NAALADL2: variants seen among roughly 807,000 people sequenced by gnomAD.
NAALADL2 encodes the protein N-acetylated alpha-linked acidic dipeptidase like 2.
A neutral mutation model predicts 87.2 loss-of-function variants in NAALADL2; 76 were observed. The ratio of observed to expected loss-of-function variants is 0.87; its 90% CI spans 0.72 to 1.05. NAALADL2 has a LOEUF of 1.05. NAALADL2 is among the 50% of genes least tolerant of loss of function. The pLI, the probability that NAALADL2 is intolerant of heterozygous loss-of-function variation, is 0.00. For synonymous variants in NAALADL2, 354 were observed against 331.0 expected, an observed-to-expected ratio of 1.07 and a Z score of -0.75; for missense variants, 1,089 against 945.8, an observed-to-expected ratio of 1.15 and a Z score of -1.99.
intron 1 of NAALADL2, among the ~76,000 whole-genome samples, chr3:175,085,815 G>A (rs913790012): frequency 2.0e-5 from 3 of 152,176 alleles, no homozygotes; most frequent in Admixed American, 6.5e-5. Context: ...CTACTCGGGA[G>A]GCTGAGGCAG....
At chr3:174,537,575 A>C (rs1024523247) in intron 1 of NAALADL2, among the ~76,000 whole-genome samples, 2 of 152,198 alleles carry the variant, frequency 1.3e-5, no homozygotes, top group Admixed American at 1.3e-4. Flanking sequence ...GAGTCAGGAA[A>C]ACATACAAGT....
At chr3:175,478,559 A>G (rs1357436858) in intron 9 of NAALADL2, among the ~76,000 whole-genome samples, 1 of 151,946 alleles carries the variant, frequency 6.6e-6, no homozygotes, top group Non-Finnish European at 1.5e-5. Flanking sequence ...TGATTTATAT[A>G]TTAGGACTAT....
intron 1 of NAALADL2, among the ~76,000 whole-genome samples, chr3:174,502,604 AT>A (rs1718968690): frequency 6.6e-6 from 1 of 152,204 alleles, no homozygotes; most frequent in East Asian, 1.9e-4. Context: ...AGATATATGT[AT>A]ATAAACCTCA....
rs77252638 is a variant in NAALADL2 at position 175,808,813 on chromosome 3, G to C, written c.*5610G>C. ...CTTTTGTTCTAATTAAAGTACAAAC[G>C]TGGCATCTGAATAGAAGCTTAGCTA... On this transcript the variant is annotated 3_prime_UTR_variant, in exon 14 of 14. Transcript: ENST00000454872. 1 of 151,938 alleles carries C rather than the reference G, an allele frequency of 6.6e-6. No individual in the cohort carries two copies. Among genetic ancestry groups the C allele is most frequent in the Admixed American group, 6.6e-5 (1 of 15,212 alleles). 9.4% of individuals were successfully genotyped at this position (151,938 alleles called of 1,614,324 possible). A position where few individuals can be genotyped will look rare whatever the true frequency, so the allele number is the denominator to read the frequency against.
intron 5 of NAALADL2, among the ~76,000 whole-genome samples, chr3:175,414,811 A>G (rs1009123040): frequency 2.0e-5 from 3 of 152,146 alleles, no homozygotes; most frequent in Non-Finnish European, 4.4e-5. Context: ...GAGTTACAAG[A>G]TAAGAAAATT....
chr3:175,466,836 CAA>C lies in NAALADL2; in HGVS notation c.1328-137_1328-136del, dbSNP rs79129100. 1.0e-5 allele frequency: 7 copies of C among 682,974 alleles called. No homozygotes were observed. The South Asian group carries it at 1.1e-4, about 11-fold the overall frequency. 42.3% of individuals were successfully genotyped at this position (682,974 alleles called of 1,614,324 possible). On this transcript the variant is annotated intron_variant, in intron 7 of 13. Coordinates refer to ENST00000454872, the MANE Select transcript of NAALADL2 (RefSeq NM_207015.3). ...CAGATGTGTGAATTAAGACAGTGAG[CAA>C]AAAAATTAAAGTAGTCTTAATTATT... is the stretch of plus-strand genomic sequence containing the variant.
At chr3:174,529,935 G>A (rs1721091063) in intron 1 of NAALADL2, among the ~76,000 whole-genome samples, 1 of 152,144 alleles carries the variant, frequency 6.6e-6, no homozygotes, top group Non-Finnish European at 1.5e-5. Context: ...TCTCTGACCT[G>A]CCTTGGAGAC....
rs143929467 is a variant in NAALADL2, at chr3:175,673,100, C to T, written c.1896+45714C>T. Among the ~76,000 whole-genome samples the T allele has an allele frequency of 1.5e-3, 232 of 152,232 alleles. 1 individual carries two copies. Among genetic ancestry groups the T allele is most frequent in the African/African-American group, 5.2e-3 (215 of 41,552 alleles). On this transcript the variant is annotated intron_variant, in intron 11 of 13. Coordinates refer to ENST00000454872, the MANE Select transcript of NAALADL2 (RefSeq NM_207015.3). ...GTTATTTCCCTCTTAATATTTATTT[C>T]CCTTTTTATTGTCTGCTCTATCTCC...
intron 5 of NAALADL2, among the ~76,000 whole-genome samples, chr3:175,327,123 C>G (rs1483878342): frequency 2.0e-5 from 3 of 150,334 alleles, no homozygotes; most frequent in Non-Finnish European, 4.4e-5. Context: ...TACGCCTCAC[C>G]CAGCTTTATC....
rs568015542 is a variant in NAALADL2 at position 174,544,673 on chromosome 3, C to A, written c.-183-5896C>A. 2.1e-4 allele frequency among the ~76,000 whole-genome samples: 31 copies of A among 149,628 alleles called. 1 individual carries two copies. Among genetic ancestry groups the A allele is most frequent in the Admixed American group, 1.8e-3 (27 of 14,908 alleles). On this transcript the variant is annotated intron_variant, in intron 1 of 3. Transcript: ENST00000434257. ...GCAACCTCCGTCTCCAGGGTTCCAGCGATTCTCCTGCCTCAGCCTCCCGAG... is the reference window on the plus strand; with the variant it reads ...GCAACCTCCGTCTCCAGGGTTCCAGAGATTCTCCTGCCTCAGCCTCCCGAG...
intron 1 of NAALADL2, among the ~76,000 whole-genome samples, chr3:174,973,886 G>A (rs903947135): frequency 2.6e-5 from 4 of 152,102 alleles, no homozygotes; most frequent in Admixed American, 2.0e-4. Context: ...ATCATCATGT[G>A]GCATATGATT....
chr3:175,794,669 G>C (rs994087529), intron 13 of NAALADL2, among the ~76,000 whole-genome samples: 10 of 152,142 alleles, frequency 6.6e-5, no homozygotes, highest in Admixed American at 1.3e-4. Context: ...AACTGCAAAA[G>C]AACACAGTTG....
At chr3:174,540,537 G>C (rs1722129835) in intron 1 of NAALADL2, among the ~76,000 whole-genome samples, 1 of 152,176 alleles carries the variant, frequency 6.6e-6, no homozygotes, top group Admixed American at 6.5e-5. Flanking sequence ...ACAAAACTGT[G>C]CTATGAAGGC....
chr3:175,343,093 T>A (rs943543255), intron 5 of NAALADL2, among the ~76,000 whole-genome samples: 22 of 152,062 alleles, frequency 1.4e-4, no homozygotes, highest in African/African-American at 5.3e-4. Flanking sequence ...CTCTCAATAG[T>A]CTCATGCCAA....
intron 11 of NAALADL2, among the ~76,000 whole-genome samples, chr3:175,697,861 A>ATGTATGTATACATATATATGTGTATT (rs1738121762): frequency 2.1e-5 from 2 of 97,208 alleles, no homozygotes; most frequent in South Asian, 3.0e-4. Flanking sequence ...ATATGTGTAT[A>ATGTATGTATACATATATATGTGTATT]TATGTATGTA....
At chr3:175,410,347 T>C (rs1477844263) in intron 5 of NAALADL2, among the ~76,000 whole-genome samples, 1 of 152,216 alleles carries the variant, frequency 6.6e-6, no homozygotes, top group Non-Finnish European at 1.5e-5. Flanking sequence ...AAATGATCTC[T>C]TAAGTTTCAT....
chr3:174,611,262 A>T (rs181700792), intron 2 of NAALADL2, among the ~76,000 whole-genome samples: 47 of 152,260 alleles, frequency 3.1e-4, no homozygotes, highest in Admixed American at 1.1e-3. Context: ...ACATGTATAC[A>T]TATGTAACTA....
chr3:174,662,352 A>C (rs183651765), intron 2 of NAALADL2, among the ~76,000 whole-genome samples: 50 of 152,286 alleles, frequency 3.3e-4, no homozygotes, highest in Non-Finnish European at 1.6e-4. Context: ...AGGATATTAA[A>C]ATTAGAGTTT....
chr3:175,780,136 C>T (rs112769604), intron 13 of NAALADL2, among the ~76,000 whole-genome samples: 4 of 151,216 alleles, frequency 2.6e-5, no homozygotes, highest in East Asian at 1.9e-4. Context: ...ATTAGCCGGG[C>T]GTGGTGGTGG....
Sources: gnomAD v4.1 joint callset for allele counts (sites outside exome capture counted in the v4.1 genomes callset) on GRCh38, gnomAD v4.1.1 for gene constraint, MANE v1.5 for transcripts, NCBI Gene and HGNC (gene_info 2026-07-23, HGNC 2026-07-21) for gene names.